The following NUP107 variants were observed in gnomAD, a reference collection of about 807,000 sequenced individuals.
NUP107 encodes nucleoporin 107, also known as nuclear pore complex protein Nup107.
In NUP107, 101 loss-of-function variants were observed where a neutral mutation model predicts 141.0. That is an observed-to-expected ratio of 0.72 (90% CI 0.61 to 0.84). The LOEUF (loss-of-function observed/expected upper bound fraction) is 0.84. NUP107 is among the 40% of genes least tolerant of loss of function. The pLI is 0.00. For missense variants in NUP107, 941 were observed against 1,102.7 expected, an observed-to-expected ratio of 0.85 and a Z score of 2.08; for synonymous variants, 319 against 363.9, an observed-to-expected ratio of 0.88 and a Z score of 1.41.
chr12:68,721,754 T>A, intron 15 of NUP107, 87 bp from the exon 16 acceptor site: 2 of 1,287,068 alleles, frequency 1.6e-6, no homozygotes, highest in Non-Finnish European at 2.2e-6. Context: ...AAAGTGATTT[T>A]ATAGTCTGTA....
At position 68,742,448 on chromosome 12, in the gene NUP107, G is replaced by A. The variant is rs1565707341; in HGVS notation, c.2764G>A (p.Glu922Lys). 2 of 1,565,198 alleles carry A rather than the reference G, an allele frequency of 1.3e-6. No individual in the cohort carries two copies. Among genetic ancestry groups the A allele is most frequent in the African/African-American group, 1.4e-5 (1 of 73,382 alleles). The change falls in exon 28 of 28, where the codon GAA becomes AAA. Residue 922 changes from glutamate (E) to lysine (K), a missense_variant. Glu to Lys is a moderately conservative substitution (Grantham distance 56, BLOSUM62 1). Coordinates refer to ENST00000229179, the MANE Select transcript of NUP107 (RefSeq NM_020401.4). ...CCAGGGACTTGACCCATTAGGGTAT[G>A]AAATTCAGTTATAGTTTAATCTTTG... Reference protein sequence around the residue: ...LDQGLDPLGYEIQL With the variant: ...LDQGLDPLGYKIQL
chr12:68,703,278 A>C (rs753687337), intron 8 of NUP107, among the ~76,000 whole-genome samples: 64 of 152,216 alleles, frequency 4.2e-4, no homozygotes, highest in Non-Finnish European at 7.9e-4. Flanking sequence ...GTCCCTTTTT[A>C]TCCCACTGAC....
chr12:68,704,081 TA>T (rs1036905783), intron 8 of NUP107, among the ~76,000 whole-genome samples: 1 of 151,014 alleles, frequency 6.6e-6, no homozygotes, highest in African/African-American at 2.4e-5. Flanking sequence ...TTCTAAAAAA[TA>T]AAAAAAAAGT....
intron 7 of NUP107, 103 bp from the exon 8 acceptor site, chr12:68,702,633 T>A: frequency 1.3e-6 from 1 of 745,040 alleles, no homozygotes; most frequent in Non-Finnish European, 2.2e-6. Context: ...AAAAAATTTT[T>A]AAAAAGAAGT....
rs2701090 is a variant in NUP107, at chr12:68,690,952, T to C, written c.303+206T>C. ...AAAATTAGCTGGGAGTGGTGGCTTA[T>C]GCCTGTAATCCTAGCTGCTCGGGAG... On this transcript the variant is annotated intron_variant, in intron 4 of 27. Coordinates refer to ENST00000229179, the MANE Select transcript of NUP107 (RefSeq NM_020401.4). 0.59 allele frequency among the ~76,000 whole-genome samples: 89,373 copies of C among 151,936 alleles called. 26,353 individuals are homozygous for C. Among genetic ancestry groups the C allele is most frequent in the South Asian group, 0.77 (3,701 of 4,814 alleles).
chr12:68,737,190 A>T (rs895430098), intron 26 of NUP107, among the ~76,000 whole-genome samples: 1 of 152,208 alleles, frequency 6.6e-6, no homozygotes, highest in Non-Finnish European at 1.5e-5. Context: ...TGCTTTATTT[A>T]TACATACATC....
intron 26 of NUP107, among the ~76,000 whole-genome samples, chr12:68,739,515 A>G (rs901846275): frequency 3.3e-5 from 5 of 152,208 alleles, no homozygotes; most frequent in African/African-American, 7.2e-5. Flanking sequence ...CTATCAACAC[A>G]TATTAGGTAA....
At chr12:68,721,003 AC>A (rs1436660570) in intron 14 of NUP107, 114 bp from the exon 15 acceptor site, 1 of 576,168 alleles carries the variant, frequency 1.7e-6, no homozygotes, top group East Asian at 3.0e-5. Flanking sequence ...AAGTTTAAAA[AC>A]TATCAAGTGA....
chr12:68,707,193 G>A (rs372636471), intron 8 of NUP107: 25 of 425,062 alleles, frequency 5.9e-5, no homozygotes, highest in Non-Finnish European at 8.3e-5. Context: ...CTGCCCACCC[G>A]TGGGGGGAGT....
chr12:68,696,509 T>A (rs1218246787), intron 5 of NUP107, among the ~76,000 whole-genome samples: 5 of 152,002 alleles, frequency 3.3e-5, no homozygotes, highest in African/African-American at 7.3e-5. Flanking sequence ...GGTCAGGAGT[T>A]TGAGACCAGC....
chr12:68,705,033 C>T (rs1407091730), intron 8 of NUP107, among the ~76,000 whole-genome samples: 2 of 151,836 alleles, frequency 1.3e-5, no homozygotes, highest in Non-Finnish European at 2.9e-5. Flanking sequence ...CAGGTGTGTA[C>T]CACCATGCCT....
intron 5 of NUP107, among the ~76,000 whole-genome samples, chr12:68,693,940 C>A (rs543781382): frequency 6.6e-6 from 1 of 152,128 alleles, no homozygotes; most frequent in East Asian, 1.9e-4. Context: ...AGTGTTATGA[C>A]CACTGTACAA....
chr12:68,699,029 G>A lies in NUP107; in HGVS notation c.553-1697G>A, dbSNP rs1344147877. Among the ~76,000 whole-genome samples, 8 of 152,192 alleles carry A rather than the reference G, an allele frequency of 5.3e-5. No homozygotes were observed. In the East Asian group the frequency reaches 1.5e-3, roughly 29 times the overall value. On this transcript the variant is annotated intron_variant, in intron 6 of 27. Coordinates refer to ENST00000229179, the MANE Select transcript of NUP107 (RefSeq NM_020401.4). ...ATGGTGAGGGAGGCTGGGATTGTGT[G>A]GGGGAAGAGATATTTGGGTACTCTG...
chr12:68,718,701 A>AGG (rs139556709), intron 12 of NUP107, among the ~76,000 whole-genome samples: 2 of 151,718 alleles, frequency 1.3e-5, no homozygotes, highest in Non-Finnish European at 2.9e-5. Context: ...AGGCTGAGGT[A>AGG]GGGGGGATCC....
At chr12:68,723,596 CA>C (rs201834711) in intron 17 of NUP107, among the ~76,000 whole-genome samples, 3 of 149,048 alleles carry the variant, frequency 2.0e-5, no homozygotes, top group Admixed American at 6.7e-5. Context: ...AACTCTGTCT[CA>C]AAAAAAAAGA....
chr12:68,723,184 G>A (rs1877423428), intron 17 of NUP107, among the ~76,000 whole-genome samples: 1 of 151,990 alleles, frequency 6.6e-6, no homozygotes, highest in African/African-American at 2.4e-5. Flanking sequence ...ACCAGCCTGG[G>A]CAGCATAGCA....
rs967774761 is a variant in NUP107 at position 68,744,202 on chromosome 12, T to C, written c.*1740T>C. On this transcript the variant is annotated 3_prime_UTR_variant, in exon 28 of 28. Transcript: ENST00000229179. Reference sequence around the variant, plus strand: ...TATGTGGGTAAATGGACAAGGTCTGTCATCTATTTAGGAACTTGTTTTGCA... The same window carrying C: ...TATGTGGGTAAATGGACAAGGTCTGCCATCTATTTAGGAACTTGTTTTGCA... 2.0e-5 allele frequency: 3 copies of C among 152,126 alleles called. No individual in the cohort carries two copies. The highest frequency in any genetic ancestry group is 4.4e-5 in the Non-Finnish European group (3 of 68,016). 9.4% of individuals were successfully genotyped at this position (152,126 alleles called of 1,614,324 possible).
chr12:68,717,016 G>A (rs1012289331), intron 12 of NUP107, among the ~76,000 whole-genome samples: 6 of 151,926 alleles, frequency 3.9e-5, no homozygotes, highest in African/African-American at 1.5e-4. Context: ...TCCTGCCTCA[G>A]CCTCCCAAGT....
intron 7 of NUP107, among the ~76,000 whole-genome samples, 176 bp downstream of exon 7, chr12:68,701,029 G>C (rs2136007632): frequency 6.6e-6 from 1 of 152,336 alleles, no homozygotes; most frequent in African/African-American, 2.4e-5. Flanking sequence ...GAAGATATCA[G>C]ATCATAAGGC....
Sources: gnomAD v4.1 joint callset for allele counts (sites outside exome capture counted in the v4.1 genomes callset) on GRCh38, gnomAD v4.1.1 for gene constraint, MANE v1.5 for transcripts, NCBI Gene and HGNC (gene_info 2026-07-23, HGNC 2026-07-21) for gene names.